Variants in SUPT3H observed in about 807,000 individuals in gnomAD.
The protein encoded by SUPT3H is transcription initiation protein SPT3 homolog.
A neutral mutation model predicts 44.3 loss-of-function variants in SUPT3H; 44 were observed. The observed-to-expected ratio is 0.99, with a 90% confidence interval of 0.78 to 1.28. The LOEUF is 1.28. Ranked by LOEUF, SUPT3H falls within the 50% of genes most tolerant of loss-of-function variation. The pLI is 0.00. For synonymous variants in SUPT3H, 124 were observed against 125.6 expected (o/e 0.99, Z 0.09); for missense variants, 380 against 387.1 (o/e 0.98, Z 0.15).
chr6:45,057,829 G>A (rs573410400), intron 3 of SUPT3H, among the ~76,000 whole-genome samples: 7 of 152,082 alleles, frequency 4.6e-5, no homozygotes, highest in African/African-American at 1.7e-4. Flanking sequence ...AGTGTGAGGG[G>A]GAAAATGTCA....
intron 10 of SUPT3H, among the ~76,000 whole-genome samples, chr6:44,848,722 A>G (rs2153420367): frequency 6.6e-6 from 1 of 152,326 alleles, no homozygotes; most frequent in Non-Finnish European, 1.5e-5. Flanking sequence ...CTCTCATGTG[A>G]ACCTAACTGT....
At chr6:45,279,564 ATG>A (rs1777602887) in intron 2 of SUPT3H, among the ~76,000 whole-genome samples, 1 of 152,146 alleles carries the variant, frequency 6.6e-6, no homozygotes, top group Non-Finnish European at 1.5e-5. Context: ...TGCTCCTGCT[ATG>A]TGAGATGCCA....
intron 2 of SUPT3H, among the ~76,000 whole-genome samples, chr6:45,206,080 T>A (rs1301860453): frequency 1.3e-5 from 2 of 152,240 alleles, no homozygotes; most frequent in Non-Finnish European, 2.9e-5. Flanking sequence ...ATGCAGTATG[T>A]AAGACTCATT....
chr6:45,263,518 TAC>T (rs1343116425), intron 2 of SUPT3H, among the ~76,000 whole-genome samples: 6 of 152,084 alleles, frequency 3.9e-5, no homozygotes, highest in Admixed American at 2.6e-4. Flanking sequence ...GTTGAAAAAC[TAC>T]ATATTGAGTA....
intron 10 of SUPT3H, among the ~76,000 whole-genome samples, chr6:44,909,987 T>C (rs1419733905): frequency 9.2e-5 from 14 of 152,146 alleles, no homozygotes; most frequent in Admixed American, 6.5e-5. Flanking sequence ...ATTTGGACAA[T>C]ACATACCAAA....
At chr6:45,094,295 C>T (rs1412692726) in intron 3 of SUPT3H, among the ~76,000 whole-genome samples, 2 of 151,896 alleles carry the variant, frequency 1.3e-5, no homozygotes, top group African/African-American at 2.4e-5. Flanking sequence ...AAAGGAAGAA[C>T]CTTTAGGGAG....
At chr6:44,994,453 A>G (rs1440392375) in intron 6 of SUPT3H, among the ~76,000 whole-genome samples, 1 of 152,114 alleles carries the variant, frequency 6.6e-6, no homozygotes, top group Non-Finnish European at 1.5e-5. Flanking sequence ...TTTACACTGA[A>G]GGACCTTTGT....
At chr6:45,110,831 G>C (rs796698911) in intron 2 of SUPT3H, among the ~76,000 whole-genome samples, 2 of 152,194 alleles carry the variant, frequency 1.3e-5, no homozygotes, top group Admixed American at 6.5e-5. Context: ...CCCCAGCTGT[G>C]AAAGGCAGTC....
At chr6:45,005,000 C>T (rs553163720) in intron 5 of SUPT3H, among the ~76,000 whole-genome samples, 56 of 152,226 alleles carry the variant, frequency 3.7e-4, no homozygotes, top group African/African-American at 1.2e-3. Context: ...ATGAACATCC[C>T]ATCCATATGG....
intron 7 of SUPT3H, 88 bp from the exon 8 acceptor site, chr6:44,954,695 T>C: frequency 1.3e-6 from 1 of 741,698 alleles, no homozygotes; most frequent in South Asian, 1.7e-5. Context: ...TAAAAAAGTA[T>C]ACTCAGAATT....
At chr6:45,185,499 A>AT (rs139859721) in intron 2 of SUPT3H, among the ~76,000 whole-genome samples, 223 of 152,312 alleles carry the variant, frequency 1.5e-3, no homozygotes, top group Non-Finnish European at 2.2e-3. Context: ...ACATTCTAGG[A>AT]ACTATCTCAC....
intron 2 of SUPT3H, among the ~76,000 whole-genome samples, chr6:45,114,249 G>T (rs1183045076): frequency 6.6e-6 from 1 of 151,898 alleles, no homozygotes; most frequent in Admixed American, 6.6e-5. Flanking sequence ...CTGGTTCCTT[G>T]GAACATATCA....
chr6:45,174,934 T>G (rs1584021242), intron 2 of SUPT3H, among the ~76,000 whole-genome samples: 1 of 142,478 alleles, frequency 7.0e-6, no homozygotes, highest in East Asian at 2.1e-4. Flanking sequence ...TCCCAGCTAC[T>G]CGGGAGGTCA....
At chr6:44,837,066 C>G (rs904617683) in intron 10 of SUPT3H, among the ~76,000 whole-genome samples, 1 of 152,170 alleles carries the variant, frequency 6.6e-6, no homozygotes, top group African/African-American at 2.4e-5. Context: ...ACATCAAATA[C>G]TCTTTTTTTT....
intron 3 of SUPT3H, among the ~76,000 whole-genome samples, chr6:45,085,285 C>T (rs1477298661): frequency 6.6e-6 from 1 of 152,112 alleles, no homozygotes. Context: ...TGAAGCATCT[C>T]TATGCACCCA....
intron 2 of SUPT3H, among the ~76,000 whole-genome samples, chr6:45,156,761 A>AT (rs1562569304): frequency 6.6e-6 from 1 of 151,740 alleles, no homozygotes; most frequent in Non-Finnish European, 1.5e-5. Context: ...ATATATATAT[A>AT]TTTTAGAATG....
In SUPT3H at chr6:45,205,294, C is replaced by T. The variant is rs556697522; in HGVS notation, c.102-99288G>A. ...CCCTAAGTTACTGAAGACCATCAGA[C>T]ATAACATAGAAGGACTCCATGTTGC... On this transcript the variant is annotated intron_variant, in intron 2 of 10. Coordinates refer to ENST00000371459, the MANE Select transcript of SUPT3H (RefSeq NM_003599.4). Among the ~76,000 whole-genome samples, 307 of 152,300 alleles carry T rather than the reference C, an allele frequency of 2.0e-3. 2 individuals are homozygous for T. Among genetic ancestry groups the T allele is most frequent in the African/African-American group, 7.0e-3 (290 of 41,568 alleles).
At chr6:45,059,704 A>G (rs1791678542) in intron 3 of SUPT3H, among the ~76,000 whole-genome samples, 1 of 152,156 alleles carries the variant, frequency 6.6e-6, no homozygotes, top group African/African-American at 2.4e-5. Flanking sequence ...TCTCAGTTCA[A>G]AAGCTTCTTA....
chr6:44,879,363 TCTGC>T (rs1777821082), intron 10 of SUPT3H, among the ~76,000 whole-genome samples: 1 of 152,190 alleles, frequency 6.6e-6, no homozygotes, highest in Non-Finnish European at 1.5e-5. Flanking sequence ...CTGTGGCCAG[TCTGC>T]CTGTCTAGAT....
Sources: allele counts gnomAD v4.1 joint callset (sites outside exome capture counted in the v4.1 genomes callset), GRCh38; gene constraint gnomAD v4.1.1; transcripts MANE v1.5; gene names NCBI Gene and HGNC (gene_info 2026-07-23, HGNC 2026-07-21).